Variants in DAB1 observed in about 807,000 individuals in gnomAD.
The protein encoded by DAB1 is disabled homolog 1.
A neutral mutation model predicts 64.6 loss-of-function variants in DAB1; 15 were observed. That is an observed-to-expected ratio of 0.23 (90% confidence interval 0.16 to 0.36). The LOEUF (loss-of-function observed/expected upper bound fraction) is 0.36. Ranked by LOEUF, DAB1 falls within the 10% of genes least tolerant of loss-of-function variation. The probability of loss-of-function intolerance (pLI) is 1.00; values close to 1 mark genes in which losing one functional copy is unlikely to be tolerated. For missense variants in DAB1, 596 were observed against 706.7 expected, an observed-to-expected ratio of 0.84 and a Z score of 1.78; for synonymous variants, 235 against 251.9, an observed-to-expected ratio of 0.93 and a Z score of 0.64.
chr1:57,135,453 T>A (rs1472749734), intron 4 of DAB1, among the ~76,000 whole-genome samples: 1 of 152,194 alleles, frequency 6.6e-6, no homozygotes, highest in African/African-American at 2.4e-5. Context: ...ATTTGAGAGC[T>A]CCATAGAATT....
chr1:57,159,976 A>G (rs10889028), intron 2 of DAB1, among the ~76,000 whole-genome samples: 90,395 of 151,818 alleles, frequency 0.6, 27,384 homozygotes, highest in African/African-American at 0.7. Context: ...AGCGTAGCCT[A>G]TCCTGCTCAT....
intron 7 of DAB1, among the ~76,000 whole-genome samples, chr1:57,625,984 T>G (rs1236419796): frequency 6.6e-6 from 1 of 152,182 alleles, no homozygotes; most frequent in East Asian, 1.9e-4. Context: ...ATGAAATGGG[T>G]GACAGTTAAC....
intron 2 of DAB1, among the ~76,000 whole-genome samples, chr1:57,177,437 A>C (rs1194950188): frequency 6.6e-6 from 1 of 152,128 alleles, no homozygotes; most frequent in African/African-American, 2.4e-5. Context: ...AGGAGGGTAG[A>C]GGGAAAAAAA....
At chr1:57,950,055 G>A (rs147690331) in intron 5 of DAB1, among the ~76,000 whole-genome samples, 8 of 152,174 alleles carry the variant, frequency 5.3e-5, no homozygotes, top group East Asian at 3.9e-4. Context: ...CTTGCAAGAC[G>A]GCTTATTGCA....
chr1:58,332,868 C>T (rs1663005875), intron 4 of DAB1, among the ~76,000 whole-genome samples: 1 of 152,024 alleles, frequency 6.6e-6, no homozygotes. Flanking sequence ...ATATGGGATC[C>T]TAAATCTGTT....
chr1:58,468,453 T>C (rs371824421), intron 3 of DAB1: 6 of 152,248 alleles, frequency 3.9e-5, no homozygotes, highest in African/African-American at 1.2e-4. Context: ...GATGATATCA[T>C]AGAATTGATC....
intron 2 of DAB1, among the ~76,000 whole-genome samples, chr1:57,247,621 T>A (rs1668985389): frequency 6.6e-6 from 1 of 152,238 alleles, no homozygotes; most frequent in Admixed American, 6.5e-5. Flanking sequence ...GACTGTAGGA[T>A]GTTTCTAAAA....
chr1:57,499,891 G>A (rs1329211697), intron 7 of DAB1, among the ~76,000 whole-genome samples: 1 of 152,154 alleles, frequency 6.6e-6, no homozygotes, highest in Non-Finnish European at 1.5e-5. Flanking sequence ...GAAGGAAGGA[G>A]GCGTAACTAA....
At chr1:57,218,492 C>T (rs950041590) in intron 2 of DAB1, among the ~76,000 whole-genome samples, 1 of 115,488 alleles carries the variant, frequency 8.7e-6, no homozygotes, top group East Asian at 2.9e-4. Context: ...CCAACCTGAG[C>T]AACATAGTGA....
At chr1:57,950,876 A>T (rs1029331787) in intron 5 of DAB1, among the ~76,000 whole-genome samples, 6 of 152,152 alleles carry the variant, frequency 3.9e-5, no homozygotes, top group African/African-American at 1.4e-4. Context: ...GTGGACTGAT[A>T]TCCCTGAGGA....
At chr1:57,215,892 A>G (rs1374584525) in intron 2 of DAB1, among the ~76,000 whole-genome samples, 2 of 152,230 alleles carry the variant, frequency 1.3e-5, no homozygotes, top group African/African-American at 4.8e-5. Context: ...CTGGGGGGAC[A>G]CAGCCTCCTC....
At chr1:58,080,267 T>A (rs571847387) in intron 5 of DAB1, 1 of 152,364 alleles carries the variant, frequency 6.6e-6, no homozygotes, top group East Asian at 1.9e-4. Context: ...TAACACTTTA[T>A]GACTTAATCA....
At chr1:57,181,400 C>T (rs1662920201) in intron 2 of DAB1, among the ~76,000 whole-genome samples, 1 of 152,162 alleles carries the variant, frequency 6.6e-6, no homozygotes, top group East Asian at 1.9e-4. Flanking sequence ...ACCTGATAAT[C>T]AATGAGACTT....
At chr1:58,276,537 G>A (rs1661448785) in intron 4 of DAB1, among the ~76,000 whole-genome samples, 1 of 152,134 alleles carries the variant, frequency 6.6e-6, no homozygotes, top group Non-Finnish European at 1.5e-5. Context: ...GCATATGGGG[G>A]AGTAGTACAC....
At chr1:58,486,962 T>C (rs532050233) in intron 3 of DAB1, among the ~76,000 whole-genome samples, 15 of 152,262 alleles carry the variant, frequency 9.9e-5, no homozygotes, top group Non-Finnish European at 1.3e-4. Flanking sequence ...CTGGAAGACA[T>C]AGGAAGAGTC....
chr1:57,064,550 A>G (rs1650718332), intron 8 of DAB1, among the ~76,000 whole-genome samples: 1 of 152,222 alleles, frequency 6.6e-6, no homozygotes, highest in South Asian at 2.1e-4. Flanking sequence ...TATTTGCCCT[A>G]GAACACCTGT....
intron 2 of DAB1, among the ~76,000 whole-genome samples, chr1:57,162,842 C>T (rs1246941412): frequency 6.6e-6 from 1 of 152,130 alleles, no homozygotes; most frequent in Non-Finnish European, 1.5e-5. Context: ...ACAGAGAGTG[C>T]AAATCAATTA....
intron 3 of DAB1, among the ~76,000 whole-genome samples, chr1:58,408,912 T>C (rs1459068127): frequency 3.3e-5 from 5 of 152,024 alleles, no homozygotes; most frequent in African/African-American, 1.2e-4. Flanking sequence ...CACATAGAAG[T>C]CCCAGATACA....
At chr1:57,259,123 A>T (rs548764286) in intron 2 of DAB1, among the ~76,000 whole-genome samples, 64 of 152,332 alleles carry the variant, frequency 4.2e-4, no homozygotes, top group African/African-American at 1.5e-3. Context: ...TATAAACCAC[A>T]GTCACAACTC....
Sources: gnomAD v4.1 joint callset for allele counts (sites outside exome capture counted in the v4.1 genomes callset) on GRCh38, gnomAD v4.1.1 for gene constraint, MANE v1.5 for transcripts, NCBI Gene and HGNC (gene_info 2026-07-23, HGNC 2026-07-21) for gene names.